Variants in TXNRD1 observed in about 807,000 individuals in gnomAD.
TXNRD1 encodes thioredoxin reductase 1, also known as thioredoxin reductase 1, cytoplasmic.
TXNRD1 carries 57 observed loss-of-function variants against 80.3 expected under a neutral mutation model. The observed-to-expected ratio is 0.71, with a 90% CI of 0.57 to 0.89. TXNRD1 has a LOEUF of 0.89. TXNRD1 is among the 40% of genes least tolerant of loss of function. TXNRD1 has a pLI of 0.00. For missense variants in TXNRD1, 730 were observed against 803.0 expected (o/e 0.91, Z 1.10); for synonymous variants, 291 against 285.2 (o/e 1.02, Z -0.20).
chr12:104,215,997 C>G (rs1168337878), intron 1 of TXNRD1, 104 bp downstream of exon 1: 7 of 977,468 alleles, frequency 7.2e-6, no homozygotes, highest in Non-Finnish European at 1.1e-5. Flanking sequence ...CTTGAAGCCC[C>G]TCACTGGAGT....
chr12:104,337,654 C>T (rs973635522), intron 15 of TXNRD1, among the ~76,000 whole-genome samples: 3 of 151,720 alleles, frequency 2.0e-5, no homozygotes, highest in African/African-American at 2.4e-5. Context: ...CTCACAAGTT[C>T]GGGACCAGCC....
chr12:104,289,271 A>C (rs920231802), intron 4 of TXNRD1: 2 of 433,780 alleles, frequency 4.6e-6, no homozygotes, highest in African/African-American at 3.9e-5. Context: ...TTTATCTTTT[A>C]AAATAGCTTT....
At chr12:104,246,130 A>AC (rs939485653) in intron 1 of TXNRD1, among the ~76,000 whole-genome samples, 1 of 147,510 alleles carries the variant, frequency 6.8e-6, no homozygotes, top group African/African-American at 2.5e-5. Context: ...AAAAAAAAAA[A>AC]AAAAAAACTT....
At chr12:104,248,139 C>A (rs1252096898) in intron 1 of TXNRD1, among the ~76,000 whole-genome samples, 1 of 152,160 alleles carries the variant, frequency 6.6e-6, no homozygotes, top group Non-Finnish European at 1.5e-5. Context: ...ATGAGGCTAT[C>A]GTCATGTGTC....
intron 1 of TXNRD1, among the ~76,000 whole-genome samples, chr12:104,248,564 G>A (rs558762419): frequency 1.3e-5 from 2 of 152,156 alleles, no homozygotes; most frequent in African/African-American, 2.4e-5. Flanking sequence ...AATTACGGGC[G>A]GGTGTGAGCC....
chr12:104,270,732 A>G (rs1223108116), intron 3 of TXNRD1, among the ~76,000 whole-genome samples: 2 of 152,150 alleles, frequency 1.3e-5, no homozygotes, highest in African/African-American at 4.8e-5. Context: ...GGCCTAATGT[A>G]TGTTTTTCCT....
intron 1 of TXNRD1, among the ~76,000 whole-genome samples, chr12:104,243,129 T>G (rs1312809575): frequency 6.6e-6 from 1 of 152,194 alleles, no homozygotes; most frequent in Non-Finnish European, 1.5e-5. Flanking sequence ...TTGTAAAAAC[T>G]AAAAATCCTT....
At chr12:104,303,621 G>C (rs1355183578) in intron 4 of TXNRD1, 1 of 338,998 alleles carries the variant, frequency 2.9e-6, no homozygotes, top group Non-Finnish European at 5.3e-6. Flanking sequence ...CGTGTTGGGA[G>C]CGCCGCGCTG....
chr12:104,325,470 A>G (rs751691565), intron 11 of TXNRD1, 41 bp downstream of exon 11: 17 of 1,413,488 alleles, frequency 1.2e-5, no homozygotes. Context: ...CAGAAAGCAA[A>G]TAACATGCTT....
intron 3 of TXNRD1, among the ~76,000 whole-genome samples, chr12:104,275,119 T>C (rs961630005): frequency 6.6e-6 from 1 of 151,754 alleles, no homozygotes; most frequent in Non-Finnish European, 1.5e-5. Flanking sequence ...TTTAAGAAAA[T>C]TATGTTTTTC....
In TXNRD1 at chr12:104,348,600, GC is replaced by G; in HGVS notation, c.*180del. On this transcript the variant is annotated 3_prime_UTR_variant, in exon 17 of 17. Transcript: ENST00000525566. ...GGAGTTGGTGAATAGAAGGCAGGCA[GC>G]ATCACACTGGGGTCACTGACAGACT... The G allele has an allele frequency of 1.7e-6, 1 of 595,226 alleles. No individual in the cohort carries two copies. Among genetic ancestry groups the G allele is most frequent in the South Asian group, 2.0e-5 (1 of 49,902 alleles). 36.9% of individuals were successfully genotyped at this position (595,226 alleles called of 1,614,324 possible).
At chr12:104,286,250 A>G (rs1003811008) in intron 3 of TXNRD1, 4 of 152,228 alleles carry the variant, frequency 2.6e-5, no homozygotes, top group African/African-American at 9.6e-5. Flanking sequence ...CACAGTGCTG[A>G]ATAAGAACAT....
chr12:104,262,613 A>G (rs1259249280), intron 3 of TXNRD1: 2 of 152,196 alleles, frequency 1.3e-5, no homozygotes, highest in South Asian at 2.1e-4. Flanking sequence ...CAGAAGATCA[A>G]TTGGTAGACA....
chr12:104,294,761 G>A (rs2034383308), intron 4 of TXNRD1, among the ~76,000 whole-genome samples: 1 of 152,156 alleles, frequency 6.6e-6, no homozygotes, highest in East Asian at 1.9e-4. Flanking sequence ...GTGAGCCACT[G>A]CACCCAGCCA....
At chr12:104,248,816 T>C (rs1194581203) in intron 1 of TXNRD1, among the ~76,000 whole-genome samples, 1 of 152,128 alleles carries the variant, frequency 6.6e-6, no homozygotes, top group Non-Finnish European at 1.5e-5. Flanking sequence ...CAGATGTTAG[T>C]TTTTCTTTTC....
chr12:104,267,315 T>C (rs1290310277), intron 3 of TXNRD1, among the ~76,000 whole-genome samples: 1 of 123,150 alleles, frequency 8.1e-6, no homozygotes, highest in African/African-American at 3.2e-5. Context: ...TCTTGCTCTA[T>C]TGCCCAGGCT....
intron 4 of TXNRD1, chr12:104,304,744 T>G (rs1462187124): frequency 1.2e-5 from 19 of 1,613,786 alleles, no homozygotes; most frequent in African/African-American, 2.7e-5. Flanking sequence ...GAGATGGTTT[T>G]GCAAGAATAA....
chr12:104,257,745 T>G (rs544761875), intron 2 of TXNRD1, among the ~76,000 whole-genome samples: 1 of 152,236 alleles, frequency 6.6e-6, no homozygotes, highest in Non-Finnish European at 1.5e-5. Context: ...CATTTTATAA[T>G]GAGGTAGACT....
At chr12:104,347,572 G>A (rs2036534273) in intron 16 of TXNRD1, among the ~76,000 whole-genome samples, 1 of 152,130 alleles carries the variant, frequency 6.6e-6, no homozygotes, top group South Asian at 2.1e-4. Context: ...CCTGCCCTCT[G>A]ACTCAGCAGT....
Sources: gnomAD v4.1 joint callset for allele counts (sites outside exome capture counted in the v4.1 genomes callset) on GRCh38, gnomAD v4.1.1 for gene constraint, MANE v1.5 for transcripts, NCBI Gene and HGNC (gene_info 2026-07-23, HGNC 2026-07-21) for gene names.